The following ACER1 variants were observed in gnomAD, a reference collection of about 807,000 sequenced individuals.
The protein encoded by ACER1 is CTB-180A7.3.
A neutral mutation model predicts 24.9 loss-of-function variants in ACER1; 28 were observed. The observed-to-expected ratio is 1.13, with a 90% CI of 0.83 to 1.54. The LOEUF (loss-of-function observed/expected upper bound fraction) is 1.54, where lower values mean the gene tolerates loss of function less well. Ranked by LOEUF, ACER1 falls within the 40% of genes most tolerant of loss-of-function variation. The pLI, the probability that ACER1 is intolerant of heterozygous loss-of-function variation, is 0.00. For missense variants in ACER1, 352 were observed against 349.3 expected, an observed-to-expected ratio of 1.01 and a Z score of -0.06; for synonymous variants, 132 against 131.4, an observed-to-expected ratio of 1.00 and a Z score of -0.03.
intron 1 of ACER1, among the ~76,000 whole-genome samples, chr19:6,331,584 G>A (rs917667199): frequency 1.3e-5 from 2 of 151,520 alleles, no homozygotes; most frequent in South Asian, 2.1e-4. Context: ...ACCTGAGGTC[G>A]GGAGTTCAAG....
intron 1 of ACER1, among the ~76,000 whole-genome samples, chr19:6,332,944 C>T (rs1218707099): frequency 6.6e-6 from 1 of 152,116 alleles, no homozygotes; most frequent in Non-Finnish European, 1.5e-5. Flanking sequence ...GCTAGGATTA[C>T]AGACGTGAGC....
chr19:6,352,476 TC>T, the ACER1 span, among the ~76,000 whole-genome samples: 1 of 152,168 alleles, frequency 6.6e-6, no homozygotes, highest in African/African-American at 2.4e-5. Flanking sequence ...TTGTGGATAT[TC>T]CAGCCCCAGA....
chr19:6,349,254 A>G, the ACER1 span, among the ~76,000 whole-genome samples: 2 of 151,360 alleles, frequency 1.3e-5, no homozygotes, highest in African/African-American at 4.9e-5. Flanking sequence ...AGGCAGGTGG[A>G]TGGCTTGAGC....
At chr19:6,314,432 C>T (rs1332190620) in intron 1 of ACER1, among the ~76,000 whole-genome samples, 4 of 149,602 alleles carry the variant, frequency 2.7e-5, no homozygotes, top group East Asian at 1.9e-4. Context: ...ATCACGCCAT[C>T]GCACTCCAGC....
chr19:6,318,186 C>T (rs1259165068), intron 1 of ACER1, among the ~76,000 whole-genome samples: 1 of 151,730 alleles, frequency 6.6e-6, no homozygotes, highest in Non-Finnish European at 1.5e-5. Flanking sequence ...AAAAAATTAG[C>T]CGGGCATGGA....
the ACER1 span, among the ~76,000 whole-genome samples, chr19:6,349,620 C>A: frequency 1.1e-4 from 16 of 152,238 alleles, 2 homozygotes; most frequent in African/African-American, 1.4e-4. Context: ...GCGAGGGACT[C>A]TGGAGCCAGT....
chr19:6,355,246 C>G, the ACER1 span, among the ~76,000 whole-genome samples: 3 of 152,030 alleles, frequency 2.0e-5, no homozygotes, highest in African/African-American at 7.3e-5. Flanking sequence ...GGCCGCCACC[C>G]TGTCTGGGAA....
At chr19:6,324,548 G>A (rs10221470) in intron 1 of ACER1, among the ~76,000 whole-genome samples, 8,439 of 149,636 alleles carry the variant, frequency 0.056, 742 homozygotes, top group African/African-American at 0.19. Flanking sequence ...ACCTGAGGTC[G>A]GGAGTTCAAG....
chr19:6,334,272 C>T (rs1364566728), upstream of ACER1, among the ~76,000 whole-genome samples: 1 of 152,078 alleles, frequency 6.6e-6, no homozygotes, highest in African/African-American at 2.4e-5. Context: ...TCTCGATCTC[C>T]TGACCTCGTG....
chr19:6,332,527 C>T (rs886600609), intron 1 of ACER1, among the ~76,000 whole-genome samples: 6 of 152,080 alleles, frequency 3.9e-5, no homozygotes, highest in Admixed American at 1.3e-4. Flanking sequence ...CCTGCCTCTG[C>T]GTTCCAAATT....
At chr19:6,327,276 C>T (rs2091665850) in intron 1 of ACER1, among the ~76,000 whole-genome samples, 1 of 152,092 alleles carries the variant, frequency 6.6e-6, no homozygotes, top group Non-Finnish European at 1.5e-5. Context: ...GCAAAAAATA[C>T]AAAAATTAGC....
At chr19:6,357,076 G>T in the ACER1 span, among the ~76,000 whole-genome samples, 1 of 136,390 alleles carries the variant, frequency 7.3e-6, no homozygotes, top group African/African-American at 2.8e-5. Flanking sequence ...ATGGAGTCTC[G>T]CTCTGTCGCC....
chr19:6,353,089 C>T, the ACER1 span, among the ~76,000 whole-genome samples: 17 of 152,070 alleles, frequency 1.1e-4, no homozygotes, highest in Admixed American at 8.5e-4. Flanking sequence ...ACCAAGAGGC[C>T]GAGGCAGGTG....
intron 3 of ACER1, among the ~76,000 whole-genome samples, chr19:6,310,464 A>C (rs946100005): frequency 6.6e-6 from 1 of 151,748 alleles, no homozygotes; most frequent in Non-Finnish European, 1.5e-5. Context: ...CCAGCTACTC[A>C]GGAGGCTGAG....
the ACER1 span, among the ~76,000 whole-genome samples, chr19:6,346,650 G>A: frequency 1.3e-5 from 2 of 151,180 alleles, no homozygotes; most frequent in South Asian, 4.2e-4. Context: ...CAAAATGCTA[G>A]GATAATCCTG....
chr19:6,338,106 A>G (rs1489662738), upstream of ACER1, among the ~76,000 whole-genome samples: 1 of 148,154 alleles, frequency 6.7e-6, no homozygotes, highest in Non-Finnish European at 1.5e-5. Flanking sequence ...AATTAAATAA[A>G]ATAAAAATAA....
the ACER1 span, among the ~76,000 whole-genome samples, chr19:6,340,961 TA>T: frequency 2.0e-5 from 3 of 151,926 alleles, no homozygotes; most frequent in African/African-American, 7.2e-5. Context: ...TCTTATAGGC[TA>T]AAGGTGTCAT....
intron 5 of ACER1, 104 bp downstream of exon 5, chr19:6,307,049 C>CT: frequency 6.5e-7 from 1 of 1,543,326 alleles, no homozygotes; most frequent in Non-Finnish European, 8.8e-7. Flanking sequence ...TCTGGCTCTC[C>CT]TCTCTCTGCT....
At chr19:6,329,969 C>G (rs1488267269) in intron 1 of ACER1, among the ~76,000 whole-genome samples, 1 of 150,068 alleles carries the variant, frequency 6.7e-6, no homozygotes, top group East Asian at 1.9e-4. Flanking sequence ...CTACCGGGTT[C>G]ACATAATTCT....
Sources: gnomAD v4.1 joint callset for allele counts (sites outside exome capture counted in the v4.1 genomes callset) on GRCh38, gnomAD v4.1.1 for gene constraint, MANE v1.5 for transcripts, NCBI Gene and HGNC (gene_info 2026-07-23, HGNC 2026-07-21) for gene names.